Variants in SGCZ observed in about 807,000 individuals in gnomAD.
SGCZ encodes zeta-sarcoglycan.
SGCZ carries 40 observed loss-of-function variants against 41.3 expected under a neutral mutation model. The observed-to-expected ratio is 0.97, with a 90% CI of 0.75 to 1.26. The LOEUF is 1.26. SGCZ is among the 50% of genes most tolerant of loss of function. The probability of loss-of-function intolerance (pLI) is 0.00; values close to 1 mark genes in which losing one functional copy is unlikely to be tolerated. For missense variants in SGCZ, 552 were observed against 369.8 expected (o/e 1.49, Z -4.04); for synonymous variants, 206 against 137.5 (o/e 1.50, Z -3.49).
intron 2 of SGCZ, among the ~76,000 whole-genome samples, chr8:14,535,244 T>C (rs1052280597): frequency 6.6e-6 from 1 of 151,936 alleles, no homozygotes; most frequent in Admixed American, 6.6e-5. Flanking sequence ...AAAAATGCAC[T>C]GTTTTCTTAT....
At chr8:15,227,068 C>A (rs1466383132) in intron 1 of SGCZ, among the ~76,000 whole-genome samples, 1 of 152,104 alleles carries the variant, frequency 6.6e-6, no homozygotes, top group Non-Finnish European at 1.5e-5. Context: ...AGATTTCTAG[C>A]AGATTGCTGG....
intron 3 of SGCZ, among the ~76,000 whole-genome samples, chr8:14,261,921 G>A (rs1228471175): frequency 1.3e-5 from 2 of 152,070 alleles, no homozygotes; most frequent in African/African-American, 2.4e-5. Flanking sequence ...AACTTTCAAG[G>A]TAAAATTATT....
chr8:14,464,129 A>G (rs536523244), intron 2 of SGCZ, among the ~76,000 whole-genome samples: 8 of 151,660 alleles, frequency 5.3e-5, no homozygotes, highest in South Asian at 2.1e-4. Flanking sequence ...TGCTTACCAC[A>G]TAGGCTGATG....
At chr8:14,715,199 A>G (rs560542134) in intron 1 of SGCZ, among the ~76,000 whole-genome samples, 1 of 152,286 alleles carries the variant, frequency 6.6e-6, no homozygotes, top group South Asian at 2.1e-4. Flanking sequence ...TTGAGAGTGA[A>G]TACCTAACAA....
intron 2 of SGCZ, among the ~76,000 whole-genome samples, chr8:14,351,206 CG>C (rs1259105681): frequency 2.0e-5 from 3 of 152,000 alleles, no homozygotes; most frequent in African/African-American, 7.2e-5. Context: ...CTGGTATTAC[CG>C]GTATTGTAAG....
At chr8:14,627,671 T>C (rs1012516500) in intron 1 of SGCZ, among the ~76,000 whole-genome samples, 1 of 152,126 alleles carries the variant, frequency 6.6e-6, no homozygotes, top group Non-Finnish European at 1.5e-5. Context: ...AATTTCTGAA[T>C]GATTGTCCTT....
chr8:14,801,932 T>C (rs1801333954), intron 1 of SGCZ, among the ~76,000 whole-genome samples: 1 of 152,178 alleles, frequency 6.6e-6, no homozygotes, highest in Non-Finnish European at 1.5e-5. Context: ...TCATAGCACA[T>C]GGAAAGCAGT....
At chr8:14,951,953 C>T (rs921810596) in intron 1 of SGCZ, among the ~76,000 whole-genome samples, 2 of 152,026 alleles carry the variant, frequency 1.3e-5, no homozygotes, top group Non-Finnish European at 2.9e-5. Context: ...GATTGATGTG[C>T]CTATCATAAT....
intron 1 of SGCZ, among the ~76,000 whole-genome samples, chr8:15,063,997 G>A (rs1049609433): frequency 3.9e-5 from 6 of 152,134 alleles, no homozygotes; most frequent in Non-Finnish European, 5.9e-5. Flanking sequence ...TTCTGGTATT[G>A]TATAATAAGC....
intron 1 of SGCZ, among the ~76,000 whole-genome samples, chr8:15,008,970 C>G (rs1233812962): frequency 6.6e-6 from 1 of 152,092 alleles, no homozygotes; most frequent in Non-Finnish European, 1.5e-5. Context: ...CAAGTGCACA[C>G]AATACTAGGT....
chr8:14,562,090 A>G (rs1804223354), intron 1 of SGCZ, among the ~76,000 whole-genome samples: 1 of 152,136 alleles, frequency 6.6e-6, no homozygotes, highest in African/African-American at 2.4e-5. Flanking sequence ...ATGGTATGGG[A>G]GAAAAAATAA....
rs1236280645 is a variant in SGCZ, at chr8:14,946,053, T to C, written c.39+291532A>G. Among the ~76,000 whole-genome samples, 35 of 97,250 alleles carry C rather than the reference T, an allele frequency of 3.6e-4. No individual in the cohort carries two copies. The East Asian group carries it at 9.9e-3, about 28-fold the overall frequency. 63.8% of individuals were successfully genotyped at this position (97,250 alleles called of 152,430 possible). On this transcript the variant is annotated intron_variant, in intron 1 of 7. Transcript: ENST00000382080. ...ATATATATATATATATATATATATA[T>C]ATGAATCATTCTGTATACTATTGGT... is the stretch of plus-strand genomic sequence containing the variant.
intron 1 of SGCZ, among the ~76,000 whole-genome samples, chr8:14,975,006 T>C (rs533747779): frequency 9.2e-5 from 14 of 152,264 alleles, no homozygotes; most frequent in Non-Finnish European, 1.8e-4. Flanking sequence ...ATCTAGATTA[T>C]GGCAATGTTC....
intron 7 of SGCZ, among the ~76,000 whole-genome samples, chr8:14,101,642 T>C (rs1450178984): frequency 9.2e-6 from 1 of 109,144 alleles, no homozygotes; most frequent in Non-Finnish European, 2.4e-5. Flanking sequence ...ATACATCCTA[T>C]TCCAGGAAAT....
At chr8:15,174,928 A>G (rs1236286301) in intron 1 of SGCZ, among the ~76,000 whole-genome samples, 1 of 151,432 alleles carries the variant, frequency 6.6e-6, no homozygotes. Context: ...TGTCATGGAA[A>G]ACAGTGTGGC....
chr8:15,120,412 C>T (rs947536204), intron 1 of SGCZ, among the ~76,000 whole-genome samples: 10 of 152,134 alleles, frequency 6.6e-5, no homozygotes, highest in Non-Finnish European at 1.5e-4. Context: ...CTTGGGGCTA[C>T]ATTTTCGTCA....
At chr8:14,846,694 C>T (rs1164172307) in intron 1 of SGCZ, among the ~76,000 whole-genome samples, 1 of 106,910 alleles carries the variant, frequency 9.4e-6, no homozygotes, top group Non-Finnish European at 1.9e-5. Context: ...AGCTAAAACC[C>T]TTTAAATCCA....
In SGCZ at chr8:15,237,604, A is replaced by T; in HGVS notation, c.20T>A (p.Leu7Gln). The T allele has an allele frequency of 6.3e-7, 1 of 1,590,304 alleles. No individual in the cohort carries two copies. Among genetic ancestry groups the T allele is most frequent in the Non-Finnish European group, 8.6e-7 (1 of 1,166,556 alleles). The change falls in exon 1 of 8, where the codon CTG (leucine) becomes CAG (glutamine). Residue 7 changes from leucine (L) to glutamine (Q), a missense_variant. By Grantham distance (113) the Leu-to-Gln change is moderately radical. Coordinates refer to ENST00000382080, the MANE Select transcript of SGCZ (RefSeq NM_139167.4). ...ACGTACCTTGAGCTCCTCAATGTCC[A>T]GGTTCGTTGATCTGTCCATGGAGCG... MDRSTN[L>Q]DIEELKMTRE... is the part of the protein sequence containing the mutation.
chr8:14,132,836 TTTG>T (rs1022788703), intron 5 of SGCZ, among the ~76,000 whole-genome samples: 10 of 152,266 alleles, frequency 6.6e-5, no homozygotes, highest in East Asian at 3.9e-4. Context: ...TGTGCTGGTT[TTTG>T]TTGTTGTTGA....
Sources: gnomAD v4.1 joint callset for allele counts (sites outside exome capture counted in the v4.1 genomes callset) on GRCh38, gnomAD v4.1.1 for gene constraint, MANE v1.5 for transcripts, NCBI Gene and HGNC (gene_info 2026-07-23, HGNC 2026-07-21) for gene names.